TMEM232: variants seen among roughly 807,000 people sequenced by gnomAD.
The protein encoded by TMEM232 is transmembrane protein 232.
A neutral mutation model predicts 78.8 loss-of-function variants in TMEM232; 80 were observed. The ratio of observed to expected loss-of-function variants is 1.01; its 90% CI spans 0.85 to 1.22. TMEM232 has a LOEUF of 1.22. Among genes scored for constraint, TMEM232 ranks in the 50% most tolerant of loss-of-function variants. The probability of loss-of-function intolerance (pLI) is 0.00; values close to 1 mark genes in which losing one functional copy is unlikely to be tolerated. For synonymous variants in TMEM232, 297 were observed against 254.3 expected (o/e 1.17, Z -1.60); for missense variants, 881 against 742.2 (o/e 1.19, Z -2.17).
intron 3 of TMEM232, among the ~76,000 whole-genome samples, chr5:110,391,320 T>TGAGAGAGAGAGAGAGAGA (rs1433740681): frequency 2.9e-5 from 4 of 139,358 alleles, no homozygotes; most frequent in African/African-American, 1.2e-4. Context: ...TGTGTGTGTG[T>TGAGAGAGAGAGAGAGAGA]GTGTGTGAGA....
intron 12 of TMEM232, among the ~76,000 whole-genome samples, chr5:110,448,834 G>T (rs1338549352): frequency 6.6e-6 from 1 of 151,820 alleles, no homozygotes; most frequent in African/African-American, 2.4e-5. Context: ...GAATATATGA[G>T]CTCCAAATCA....
chr5:110,395,083 C>A (rs2112561446), intron 3 of TMEM232, among the ~76,000 whole-genome samples: 2 of 152,216 alleles, frequency 1.3e-5, no homozygotes, highest in Middle Eastern at 3.4e-3. Flanking sequence ...GGTCTGAGAC[C>A]AACAAGTTTT....
At chr5:110,441,515 G>T (rs1049265454) in intron 12 of TMEM232, among the ~76,000 whole-genome samples, 29 of 152,160 alleles carry the variant, frequency 1.9e-4, no homozygotes, top group African/African-American at 6.5e-4. Context: ...TAGAACTCAT[G>T]CCCTTGTGTA....
At chr5:110,631,018 G>C (rs1235844609) in intron 5 of TMEM232, among the ~76,000 whole-genome samples, 1 of 152,044 alleles carries the variant, frequency 6.6e-6, no homozygotes, top group Non-Finnish European at 1.5e-5. Flanking sequence ...TGTACCATGT[G>C]AGAGTACAGC....
chr5:110,548,339 T>C (rs1774034278), intron 11 of TMEM232, among the ~76,000 whole-genome samples: 1 of 149,344 alleles, frequency 6.7e-6, no homozygotes, highest in African/African-American at 2.4e-5. Context: ...TATTAAATAT[T>C]ATTAATCATT....
intron 12 of TMEM232, among the ~76,000 whole-genome samples, chr5:110,442,043 C>T (rs1177499037): frequency 6.6e-6 from 1 of 152,070 alleles, no homozygotes; most frequent in Non-Finnish European, 1.5e-5. Flanking sequence ...GCTTTTAGGA[C>T]ACTTTCATTA....
chr5:110,731,111 G>C (rs1217897434), upstream of TMEM232, among the ~76,000 whole-genome samples: 1 of 152,216 alleles, frequency 6.6e-6, no homozygotes, highest in Non-Finnish European at 1.5e-5. Flanking sequence ...GCCCATGCAA[G>C]TCTGAAATCC....
chr5:110,587,887 A>T lies in TMEM232; in HGVS notation c.1276+17222T>A, dbSNP rs184806553. On this transcript the variant is annotated intron_variant, in intron 10 of 13. Transcript: ENST00000455884. ...ATATGATCAGTGATACTATACTTTT[A>T]GATGTGTCAGCACACAGAACAGTGA... Among the ~76,000 whole-genome samples the T allele has an allele frequency of 7.5e-3, 1,138 of 151,690 alleles. 10 individuals carry two copies. The highest frequency in any genetic ancestry group is 0.017 in the Middle Eastern group (5 of 292).
chr5:110,417,648 A>G (rs1756287088), downstream of TMEM232: 1 of 131,466 alleles, frequency 7.6e-6, no homozygotes, highest in Non-Finnish European at 1.6e-5. Flanking sequence ...TGTCCGGGGT[A>G]AAATAAATAA....
intron 2 of TMEM232, among the ~76,000 whole-genome samples, chr5:110,405,797 G>T (rs1755769599): frequency 6.7e-6 from 1 of 148,488 alleles, no homozygotes; most frequent in African/African-American, 2.5e-5. Context: ...AAGAAGTTTA[G>T]CACGCTTGTA....
At chr5:110,574,933 C>T (rs529963813) in intron 10 of TMEM232, among the ~76,000 whole-genome samples, 2 of 152,130 alleles carry the variant, frequency 1.3e-5, no homozygotes, top group South Asian at 4.1e-4. Context: ...TCTTAGGGAT[C>T]TCCAGACTTG....
intron 1 of TMEM232, among the ~76,000 whole-genome samples, chr5:110,703,920 T>C (rs1478780413): frequency 6.6e-6 from 1 of 152,096 alleles, no homozygotes; most frequent in Non-Finnish European, 1.5e-5. Flanking sequence ...CCATTGGTTT[T>C]AGTTAACCTA....
chr5:110,500,956 A>G (rs1210114391), intron 12 of TMEM232, among the ~76,000 whole-genome samples: 1 of 152,226 alleles, frequency 6.6e-6, no homozygotes, highest in Non-Finnish European at 1.5e-5. Flanking sequence ...CTATACCTTT[A>G]TGAACTGGTC....
intron 1 of TMEM232, among the ~76,000 whole-genome samples, chr5:110,709,620 C>T (rs886624562): frequency 7.2e-5 from 11 of 151,888 alleles, no homozygotes; most frequent in East Asian, 1.9e-4. Context: ...TTAAACGATG[C>T]GCACCTGAAT....
intron 12 of TMEM232, among the ~76,000 whole-genome samples, chr5:110,464,340 A>G (rs938673440): frequency 1.3e-5 from 2 of 152,220 alleles, no homozygotes; most frequent in Admixed American, 6.5e-5. Flanking sequence ...GCATCTTACT[A>G]TTCATTTCTT....
intron 12 of TMEM232, among the ~76,000 whole-genome samples, chr5:110,470,436 C>T (rs1762549335): frequency 6.6e-6 from 1 of 152,140 alleles, no homozygotes. Context: ...TTCATAGCCA[C>T]TGTAAACATC....
chr5:110,389,537 A>T (rs998582625), intron 4 of TMEM232, among the ~76,000 whole-genome samples: 2 of 152,192 alleles, frequency 1.3e-5, no homozygotes, highest in Non-Finnish European at 2.9e-5. Flanking sequence ...TCGGTGAAAA[A>T]TTTGTGTTGA....
chr5:110,530,600 T>C (rs148908703), intron 11 of TMEM232, among the ~76,000 whole-genome samples: 8 of 152,158 alleles, frequency 5.3e-5, no homozygotes, highest in Non-Finnish European at 7.3e-5. Context: ...CTGGGGGACA[T>C]CATGTTAAGT....
chr5:110,536,140 G>A (rs1291746847), intron 11 of TMEM232, among the ~76,000 whole-genome samples: 1 of 151,938 alleles, frequency 6.6e-6, no homozygotes, highest in Non-Finnish European at 1.5e-5. Flanking sequence ...CCTTTCCAAC[G>A]TGGGACCCTT....
Sources: gnomAD v4.1 joint callset for allele counts (sites outside exome capture counted in the v4.1 genomes callset) on GRCh38, gnomAD v4.1.1 for gene constraint, MANE v1.5 for transcripts, NCBI Gene and HGNC (gene_info 2026-07-23, HGNC 2026-07-21) for gene names.